MED13L: variants seen among roughly 807,000 people sequenced by gnomAD.
The protein encoded by MED13L is mediator of RNA polymerase II transcription subunit 13-like.
A neutral mutation model predicts 220.9 loss-of-function variants in MED13L; 7 were observed. The observed-to-expected ratio is 0.03, with a 90% CI of 0.02 to 0.06. The LOEUF (loss-of-function observed/expected upper bound fraction) is 0.06, where lower values mean the gene tolerates loss of function less well. MED13L is among the 10% of genes least tolerant of loss of function. MED13L has a pLI of 1.00. For synonymous variants in MED13L, 1,011 were observed against 1,015.2 expected, an observed-to-expected ratio of 1.00 and a Z score of 0.08; for missense variants, 1,965 against 2,760.5, an observed-to-expected ratio of 0.71 and a Z score of 6.46.
chr12:116,080,929 T>C (rs756798876), intron 4 of MED13L, among the ~76,000 whole-genome samples: 34 of 152,352 alleles, frequency 2.2e-4, no homozygotes, highest in Non-Finnish European at 3.5e-4. Context: ...TTTTGGCCTA[T>C]AGGAATACGA....
chr12:115,987,392 T>C (rs1877766727), intron 17 of MED13L, 104 bp from the exon 18 acceptor site: 1 of 1,027,374 alleles, frequency 9.7e-7, no homozygotes. Flanking sequence ...ATGACGTTAT[T>C]AGCTGTAGTA....
At chr12:116,117,824 T>C (rs184776408) in intron 2 of MED13L, among the ~76,000 whole-genome samples, 8 of 152,302 alleles carry the variant, frequency 5.3e-5, no homozygotes, top group Admixed American at 5.2e-4. Context: ...TTTTAATTTT[T>C]TGAGACAGGG....
chr12:116,006,272 C>G (rs1175727116), intron 12 of MED13L, 34 bp downstream of exon 12: 1 of 1,573,940 alleles, frequency 6.4e-7, no homozygotes, highest in East Asian at 2.2e-5. Context: ...ATTTTAGCAA[C>G]AATCCAAGTG....
intron 4 of MED13L, among the ~76,000 whole-genome samples, chr12:116,083,474 C>T (rs144626967): frequency 2.2e-3 from 314 of 144,624 alleles, no homozygotes; most frequent in Non-Finnish European, 3.2e-3. Context: ...GGTTTAGAAA[C>T]GAAAAGCACA....
chr12:116,229,597 A>T (rs1869350517), intron 2 of MED13L, among the ~76,000 whole-genome samples: 2 of 152,218 alleles, frequency 1.3e-5, no homozygotes. Flanking sequence ...TTACACTCAA[A>T]AGATAGACTT....
At chr12:116,249,617 A>T (rs1871342359) in intron 1 of MED13L, among the ~76,000 whole-genome samples, 1 of 151,900 alleles carries the variant, frequency 6.6e-6, no homozygotes, top group Non-Finnish European at 1.5e-5. Flanking sequence ...AGAAAAACAC[A>T]AACATAAGGA....
intron 4 of MED13L, among the ~76,000 whole-genome samples, chr12:116,070,872 C>T (rs1870314362): frequency 6.6e-6 from 1 of 152,178 alleles, no homozygotes; most frequent in African/African-American, 2.4e-5. Context: ...TTTCTCTTAA[C>T]ATTGTTAAGT....
chr12:115,992,924 T>C (rs1321900815), intron 16 of MED13L, among the ~76,000 whole-genome samples: 1 of 152,060 alleles, frequency 6.6e-6, no homozygotes, highest in African/African-American at 2.4e-5. Flanking sequence ...GATATACAGT[T>C]GGCCCTCTAT....
At chr12:115,965,809 C>T (rs1876115244) in intron 29 of MED13L, among the ~76,000 whole-genome samples, 1 of 152,076 alleles carries the variant, frequency 6.6e-6, no homozygotes, top group African/African-American at 2.4e-5. Context: ...TCACATTGAA[C>T]CCCATGCATC....
chr12:116,213,284 C>T (rs1267254234), intron 2 of MED13L, among the ~76,000 whole-genome samples: 2 of 152,118 alleles, frequency 1.3e-5, no homozygotes, highest in African/African-American at 4.8e-5. Context: ...AGGGATCTCC[C>T]AGCTGCAATA....
intron 1 of MED13L, among the ~76,000 whole-genome samples, chr12:116,260,088 G>C (rs1426255634): frequency 6.6e-6 from 1 of 152,090 alleles, no homozygotes; most frequent in Non-Finnish European, 1.5e-5. Context: ...TTCATTTCTT[G>C]GAAGTTGTAT....
chr12:116,102,945 T>C (rs766898309), intron 3 of MED13L, among the ~76,000 whole-genome samples: 4 of 151,976 alleles, frequency 2.6e-5, no homozygotes, highest in East Asian at 3.9e-4. Flanking sequence ...CTTGAACTCC[T>C]GATCTTGTGA....
chr12:116,111,338 TG>T, intron 3 of MED13L, 89 bp downstream of exon 3: 1 of 985,218 alleles, frequency 1.0e-6, no homozygotes, highest in Non-Finnish European at 1.6e-6. Flanking sequence ...TCATTGCAAG[TG>T]AAAAGTTTTT....
chr12:116,016,325 T>C (rs1373024165), intron 7 of MED13L, among the ~76,000 whole-genome samples: 1 of 152,142 alleles, frequency 6.6e-6, no homozygotes, highest in Non-Finnish European at 1.5e-5. Flanking sequence ...CAAATGCTTA[T>C]ATTCTAAGGA....
chr12:116,156,355 T>C (rs533672513), intron 2 of MED13L, among the ~76,000 whole-genome samples: 1 of 139,790 alleles, frequency 7.2e-6, no homozygotes, highest in East Asian at 2.1e-4. Context: ...AATGAAGGAA[T>C]ACTGGATTGT....
chr12:116,273,111 C>T (rs1593233902), intron 1 of MED13L, among the ~76,000 whole-genome samples: 1 of 151,964 alleles, frequency 6.6e-6, no homozygotes, highest in Non-Finnish European at 1.5e-5. Flanking sequence ...TTGAGACCAG[C>T]CTGACCAATA....
intron 4 of MED13L, among the ~76,000 whole-genome samples, chr12:116,090,841 T>C (rs1872137544): frequency 6.6e-6 from 1 of 152,124 alleles, no homozygotes; most frequent in South Asian, 2.1e-4. Flanking sequence ...AAACAAGGTA[T>C]AGGTCAGGCG....
chr12:116,201,577 T>C (rs1882006496), intron 2 of MED13L, among the ~76,000 whole-genome samples: 1 of 152,212 alleles, frequency 6.6e-6, no homozygotes, highest in African/African-American at 2.4e-5. Context: ...GCATTATTAA[T>C]GCATTTAATA....
At chr12:116,135,608 C>T (rs1876472342) in intron 2 of MED13L, among the ~76,000 whole-genome samples, 1 of 152,126 alleles carries the variant, frequency 6.6e-6, no homozygotes, top group Admixed American at 6.5e-5. Context: ...TGTTACACAG[C>T]AAAGGATAAC....
Sources: gnomAD v4.1 joint callset for allele counts (sites outside exome capture counted in the v4.1 genomes callset) on GRCh38, gnomAD v4.1.1 for gene constraint, MANE v1.5 for transcripts, NCBI Gene and HGNC (gene_info 2026-07-23, HGNC 2026-07-21) for gene names.